Variants in GALNT10 observed in about 807,000 individuals in gnomAD.
The protein encoded by GALNT10 is polypeptide N-acetylgalactosaminyltransferase 10, also known as GalNAc transferase 10.
Under a neutral mutation model 75.0 loss-of-function variants are expected in GALNT10, and 41 were observed. That is an observed-to-expected ratio of 0.55 (90% CI 0.43 to 0.71). GALNT10 has a LOEUF of 0.71. Ranked by LOEUF, GALNT10 falls within the 30% of genes least tolerant of loss-of-function variation. GALNT10 has a pLI of 0.00. For missense variants in GALNT10, 727 were observed against 818.5 expected, an observed-to-expected ratio of 0.89 and a Z score of 1.36; for synonymous variants, 302 against 313.0, an observed-to-expected ratio of 0.96 and a Z score of 0.37.
intron 8 of GALNT10, among the ~76,000 whole-genome samples, chr5:154,408,896 GGC>G: frequency 6.6e-6 from 1 of 152,114 alleles, no homozygotes; most frequent in East Asian, 1.9e-4. Context: ...CTTCAGACAT[GGC>G]TGGATTCTGG....
At chr5:154,206,595 A>G (rs984364908) in intron 1 of GALNT10, among the ~76,000 whole-genome samples, 2 of 152,236 alleles carry the variant, frequency 1.3e-5, no homozygotes, top group Non-Finnish European at 2.9e-5. Context: ...AAAGGTGCTG[A>G]TTTTTAAGAT....
At chr5:154,404,966 A>G (rs1756243299) in intron 8 of GALNT10, among the ~76,000 whole-genome samples, 1 of 152,218 alleles carries the variant, frequency 6.6e-6, no homozygotes. Flanking sequence ...TGGTTTGGAT[A>G]TTAAATGTAT....
chr5:154,301,469 A>G (rs1754356699), intron 3 of GALNT10, among the ~76,000 whole-genome samples: 1 of 152,018 alleles, frequency 6.6e-6, no homozygotes. Flanking sequence ...GGCATACAAT[A>G]TGTAATGATC....
chr5:154,200,299 C>CTG (rs143586585), intron 1 of GALNT10, among the ~76,000 whole-genome samples: 4 of 152,052 alleles, frequency 2.6e-5, no homozygotes, highest in Middle Eastern at 6.9e-3. Context: ...CGCCAGGGTT[C>CTG]TGTGTGTGTG....
At chr5:154,220,297 C>T (rs1752959821) in intron 1 of GALNT10, 1 of 152,188 alleles carries the variant, frequency 6.6e-6, no homozygotes, top group African/African-American at 2.4e-5. Context: ...ACACTGCCTC[C>T]CTTTGAAGCC....
chr5:154,226,571 T>G (rs1237628517), intron 1 of GALNT10, among the ~76,000 whole-genome samples: 14 of 152,356 alleles, frequency 9.2e-5, no homozygotes, highest in African/African-American at 3.4e-4. Context: ...GATTATTGCT[T>G]TAAATGACAT....
At chr5:154,342,897 T>C (rs1340638797) in intron 4 of GALNT10, among the ~76,000 whole-genome samples, 1 of 152,234 alleles carries the variant, frequency 6.6e-6, no homozygotes, top group African/African-American at 2.4e-5. Context: ...GCTGTTATTA[T>C]GTGGATGATC....
chr5:154,415,192 T>G (rs1756479678), intron 10 of GALNT10, among the ~76,000 whole-genome samples: 1 of 152,238 alleles, frequency 6.6e-6, no homozygotes, highest in Non-Finnish European at 1.5e-5. Flanking sequence ...TTTTGGACCT[T>G]GTAGTAACTA....
In GALNT10 at chr5:154,378,617, G is replaced by A. The variant is rs1037198869; in HGVS notation, c.755-1831G>A. ...CATCATCCCACTTGGACCTCACAGA[G>A]GCCCCATGAGATAGGTGCTGTCTTC... On this transcript the variant is annotated intron_variant, in intron 5 of 11. Transcript: ENST00000297107. 2.6e-5 allele frequency among the ~76,000 whole-genome samples: 4 copies of A among 152,138 alleles called. No homozygotes were observed. In the East Asian group the frequency reaches 7.7e-4, roughly 29 times the overall value.
In GALNT10 at chr5:154,409,177, G is replaced by A. The variant is rs757903794; in HGVS notation, c.1165-364G>A. ...GCTGTTTGACCAGCCCCTGCACCGG[G>A]GGCGCCTGTATTCACATTAGCTAGG... On this transcript the variant is annotated intron_variant, in intron 8 of 11. Transcript: ENST00000297107. This position sits in a 1 kb window ranked among gnomAD's most constrained non-coding sequence, Gnocchi z 4.5. 6.6e-6 allele frequency among the ~76,000 whole-genome samples: 1 copy of A among 152,098 alleles called. No homozygotes were observed. The highest frequency in any genetic ancestry group is 1.5e-5 in the Non-Finnish European group (1 of 68,016).
intron 4 of GALNT10, among the ~76,000 whole-genome samples, chr5:154,346,268 T>C (rs1358588224): frequency 6.6e-6 from 1 of 152,068 alleles, no homozygotes; most frequent in East Asian, 1.9e-4. Flanking sequence ...AACATGGCAG[T>C]ACAGATATCT....
At chr5:154,306,133 A>G (rs1176941678) in intron 3 of GALNT10, among the ~76,000 whole-genome samples, 1 of 152,222 alleles carries the variant, frequency 6.6e-6, no homozygotes, top group African/African-American at 2.4e-5. Context: ...ACAGAAAATC[A>G]GCAAGGATAT....
intron 1 of GALNT10, among the ~76,000 whole-genome samples, chr5:154,228,453 C>T (rs143079594): frequency 1.6e-4 from 24 of 152,312 alleles, no homozygotes; most frequent in Non-Finnish European, 2.8e-4. Context: ...TAGGTAAAGG[C>T]GGGCTCCTCC....
At chr5:154,360,094 A>T (rs1189280107) in intron 4 of GALNT10, among the ~76,000 whole-genome samples, 1 of 152,186 alleles carries the variant, frequency 6.6e-6, no homozygotes, top group East Asian at 1.9e-4. Flanking sequence ...AGTATTCATC[A>T]GTAGGCTAAG....
intron 1 of GALNT10, among the ~76,000 whole-genome samples, chr5:154,253,341 A>G (rs1339729202): frequency 7.1e-6 from 1 of 141,174 alleles, no homozygotes; most frequent in Non-Finnish European, 1.5e-5. Flanking sequence ...GAATTGAACA[A>G]TGAGAACACT....
At chr5:154,321,335 G>A (rs1027150646) in intron 3 of GALNT10, among the ~76,000 whole-genome samples, 2 of 149,566 alleles carry the variant, frequency 1.3e-5, no homozygotes, top group Admixed American at 6.7e-5. Context: ...CTTGAGACAC[G>A]GTCTCGCTCT....
rs7710430 is a variant in GALNT10 at position 154,417,717 on chromosome 5, C to T, written c.*745C>T. 37,192 of 152,276 alleles carry T rather than the reference C, an allele frequency of 0.24. 5,372 individuals are homozygous for T. The highest frequency in any genetic ancestry group is 0.39 in the Admixed American group (6,006 of 15,280). 9.4% of individuals were successfully genotyped at this position (152,276 alleles called of 1,614,324 possible). Reference sequence around the variant, plus strand: ...TTTGAAATGTCAATTTTAGCACTCTCCAGGCACAAGGACAGCCCAGCACCA... The same window carrying T: ...TTTGAAATGTCAATTTTAGCACTCTTCAGGCACAAGGACAGCCCAGCACCA... On this transcript the variant is annotated 3_prime_UTR_variant, in exon 12 of 12. Coordinates refer to ENST00000297107, the MANE Select transcript of GALNT10 (RefSeq NM_198321.4).
chr5:154,245,649 AG>A (rs1331941881), intron 1 of GALNT10, among the ~76,000 whole-genome samples: 1 of 152,040 alleles, frequency 6.6e-6, no homozygotes, highest in Admixed American at 6.5e-5. Context: ...CCACAATCAG[AG>A]GGGAGAATCT....
At chr5:154,214,739 T>G (rs1450700865) in intron 1 of GALNT10, among the ~76,000 whole-genome samples, 1 of 152,110 alleles carries the variant, frequency 6.6e-6, no homozygotes, top group Admixed American at 6.5e-5. Context: ...TCTGTTTCTC[T>G]CCTCCATTTT....
Sources: gnomAD v4.1 joint callset for allele counts (sites outside exome capture counted in the v4.1 genomes callset) on GRCh38, gnomAD v4.1.1 for gene constraint, Gnocchi (gnomAD v3.1) non-coding constraint, MANE v1.5 for transcripts, NCBI Gene and HGNC (gene_info 2026-07-23, HGNC 2026-07-21) for gene names.